PLXNA4: variants seen among roughly 807,000 people sequenced by gnomAD.
PLXNA4 encodes plexin-A4.
In PLXNA4, 44 loss-of-function variants were observed where a neutral mutation model predicts 191.8. The ratio of observed to expected loss-of-function variants is 0.23; its 90% CI spans 0.18 to 0.29. The LOEUF (loss-of-function observed/expected upper bound fraction) is 0.29, where lower values mean the gene tolerates loss of function less well. Among genes scored for constraint, PLXNA4 ranks in the 10% least tolerant of loss-of-function variants. The pLI is 1.00. For missense variants in PLXNA4, 1,800 were observed against 2,488.8 expected, an observed-to-expected ratio of 0.72 and a Z score of 5.89; for synonymous variants, 1,082 against 1,009.5, an observed-to-expected ratio of 1.07 and a Z score of -1.36.
intron 14 of PLXNA4, among the ~76,000 whole-genome samples, chr7:132,191,476 G>A (rs946045595): frequency 2.0e-5 from 3 of 152,138 alleles, no homozygotes; most frequent in Admixed American, 6.6e-5. Context: ...TGATTGAGCC[G>A]CTGGAGTGAG....
At chr7:132,376,307 C>A (rs1247335340) in intron 3 of PLXNA4, among the ~76,000 whole-genome samples, 1 of 152,130 alleles carries the variant, frequency 6.6e-6, no homozygotes, top group Non-Finnish European at 1.5e-5. Flanking sequence ...GGACCCCCAG[C>A]CGAGGATACA....
chr7:132,392,839 G>T (rs1410175855), intron 3 of PLXNA4, among the ~76,000 whole-genome samples: 1 of 152,112 alleles, frequency 6.6e-6, no homozygotes, highest in Non-Finnish European at 1.5e-5. Context: ...GAGTCCTGCT[G>T]AGCCCCAGGC....
At chr7:132,563,797 CT>C (rs1801525947) in intron 1 of PLXNA4, among the ~76,000 whole-genome samples, 1 of 96,970 alleles carries the variant, frequency 1.0e-5, no homozygotes, top group Non-Finnish European at 2.2e-5. Context: ...CCTCCTTCTC[CT>C]CCTCCTTCTC....
chr7:132,203,739 C>G (rs772265088), intron 10 of PLXNA4, among the ~76,000 whole-genome samples: 3 of 152,314 alleles, frequency 2.0e-5, no homozygotes, highest in African/African-American at 7.2e-5. Context: ...AGGCAGGAGG[C>G]CTGCTCCCAT....
chr7:132,136,176 C>A (rs779743820), intron 30 of PLXNA4, among the ~76,000 whole-genome samples: 1 of 152,204 alleles, frequency 6.6e-6, no homozygotes. Context: ...CTACCTCTGC[C>A]GGGTGAACCT....
chr7:132,573,376 A>G lies in PLXNA4; in HGVS notation c.-87+3046T>C, dbSNP rs187469737. Among the ~76,000 whole-genome samples, 49 of 152,282 alleles carry G rather than the reference A, an allele frequency of 3.2e-4. No individual in the cohort carries two copies. The East Asian group carries it at 8.9e-3, about 28-fold the overall frequency. On this transcript the variant is annotated intron_variant, in intron 1 of 31. Transcript: ENST00000321063. The stretch of plus-strand genomic sequence containing the variant: ...AGGTGAGGATGGGGAGAAGCAGCTA[A>G]GAAATGCCCCCTAGCTGGCTAGGAG...
intron 4 of PLXNA4, among the ~76,000 whole-genome samples, chr7:132,252,681 A>C (rs1314173250): frequency 6.6e-6 from 1 of 152,182 alleles, no homozygotes; most frequent in African/African-American, 2.4e-5. Context: ...TTTGGCAGTT[A>C]TTACTAAAAC....
At chr7:132,303,049 G>T (rs1047012540) in intron 3 of PLXNA4, among the ~76,000 whole-genome samples, 1 of 151,666 alleles carries the variant, frequency 6.6e-6, no homozygotes, top group Non-Finnish European at 1.5e-5. Flanking sequence ...GCTAATTTTT[G>T]TATTGTTAGT....
intron 22 of PLXNA4, among the ~76,000 whole-genome samples, chr7:132,165,880 C>A (rs1474847202): frequency 6.6e-6 from 1 of 152,168 alleles, no homozygotes; most frequent in Non-Finnish European, 1.5e-5. Context: ...GCCATATACC[C>A]AGCTCAGCCC....
At position 132,198,635 on chromosome 7, in the gene PLXNA4, A is replaced by G; in HGVS notation, c.2588T>C (p.Ile863Thr). ...TTCCCGGGGGCCTGTCACCGGGATT[A>G]TCTGGAGGGAGGAAGAGAAATAATT... ...SKCTNPRITE[I>T]IPVTGPREGG... Residue 863 changes from isoleucine (I) to threonine (T), a missense_variant and splice_region_variant, in exon 13 of 32, where the codon ATA (isoleucine) becomes ACA (threonine). By Grantham distance (89) the Ile-to-Thr change is moderately conservative (BLOSUM62 -1). Transcript: ENST00000321063. 1 of 1,614,080 alleles carries G rather than the reference A, an allele frequency of 6.2e-7. No individual in the cohort carries two copies. Among genetic ancestry groups the G allele is most frequent in the Non-Finnish European group, 8.5e-7 (1 of 1,180,004 alleles).
Position 132,564,545 on chromosome 7 carries a change from C to T in PLXNA4, c.-87+11877G>A, listed in dbSNP as rs573073856. 4.1e-4 allele frequency among the ~76,000 whole-genome samples: 62 copies of T among 152,248 alleles called. 1 individual carries two copies. In the South Asian group the frequency reaches 0.012, roughly 30 times the overall value. On this transcript the variant is annotated intron_variant, in intron 1 of 31. Transcript: ENST00000321063. ...ACATTGCATGTAAATTCTCTATTCC[C>T]ACGTATGTTGTGGCCACACTAAGCT... is the stretch of plus-strand genomic sequence containing the variant.
chr7:132,558,202 G>C (rs913853359), intron 1 of PLXNA4, among the ~76,000 whole-genome samples: 1 of 152,122 alleles, frequency 6.6e-6, no homozygotes, highest in East Asian at 1.9e-4. Flanking sequence ...TTTGTTACCT[G>C]GTTAAATGCT....
At chr7:132,314,890 C>T (rs141128886) in intron 3 of PLXNA4, among the ~76,000 whole-genome samples, 2 of 152,318 alleles carry the variant, frequency 1.3e-5, no homozygotes, top group South Asian at 2.1e-4. Context: ...AATTGTCTTG[C>T]GTCACTTAAC....
At chr7:132,524,545 GA>G (rs943081618) in intron 1 of PLXNA4, among the ~76,000 whole-genome samples, 1 of 152,190 alleles carries the variant, frequency 6.6e-6, no homozygotes, top group African/African-American at 2.4e-5. Flanking sequence ...AAATTAGGCT[GA>G]AATCAAAATA....
At chr7:132,616,807 G>A (rs867213250) in intron 2 of PLXNA4, among the ~76,000 whole-genome samples, 3 of 152,160 alleles carry the variant, frequency 2.0e-5, no homozygotes, top group South Asian at 2.1e-4. Flanking sequence ...GCCCTTTCAC[G>A]GGTCATCTCT....
At chr7:132,531,406 T>C (rs1231200692) in intron 1 of PLXNA4, among the ~76,000 whole-genome samples, 1 of 152,268 alleles carries the variant, frequency 6.6e-6, no homozygotes, top group Non-Finnish European at 1.5e-5. Flanking sequence ...ACCTATTCTA[T>C]TTCTCTTAAT....
At chr7:132,536,673 T>G (rs1156333762) in intron 1 of PLXNA4, among the ~76,000 whole-genome samples, 1 of 152,156 alleles carries the variant, frequency 6.6e-6, no homozygotes, top group Non-Finnish European at 1.5e-5. Flanking sequence ...CACAAGGAGC[T>G]GCAGAGAGAG....
At chr7:132,564,876 A>G (rs1002993002) in intron 1 of PLXNA4, among the ~76,000 whole-genome samples, 1 of 152,006 alleles carries the variant, frequency 6.6e-6, no homozygotes, top group Non-Finnish European at 1.5e-5. Flanking sequence ...GGACTCCTGC[A>G]CTGACCATCC....
rs552074497 is a variant in PLXNA4, at chr7:132,334,947, G to A, written c.1372-36725C>T. 1.2e-3 allele frequency among the ~76,000 whole-genome samples: 186 copies of A among 152,298 alleles called. 2 individuals are homozygous for A. The highest frequency in any genetic ancestry group is 4.4e-3 in the African/African-American group (184 of 41,562). ...TGCTGTTCTTTCAATTACCCAGAAT[G>A]TCAGCATATCTACATTGACAGGTTA... On this transcript the variant is annotated intron_variant, in intron 3 of 31. Coordinates refer to ENST00000321063, the MANE Select transcript of PLXNA4 (RefSeq NM_020911.2).
Sources: gnomAD v4.1 joint callset for allele counts (sites outside exome capture counted in the v4.1 genomes callset) on GRCh38, gnomAD v4.1.1 for gene constraint, MANE v1.5 for transcripts, NCBI Gene and HGNC (gene_info 2026-07-23, HGNC 2026-07-21) for gene names.